Variants in MAP3K2 observed in about 807,000 individuals in gnomAD.
MAP3K2 encodes MAP/ERK kinase kinase 2.
In MAP3K2, 24 loss-of-function variants were observed where a neutral mutation model predicts 80.3. The observed-to-expected ratio is 0.30, with a 90% CI of 0.22 to 0.42. The LOEUF is 0.42. Among genes scored for constraint, MAP3K2 ranks in the 10% least tolerant of loss-of-function variants. The pLI is 1.00. For missense variants in MAP3K2, 608 were observed against 750.1 expected, an observed-to-expected ratio of 0.81 and a Z score of 2.21; for synonymous variants, 244 against 253.7, an observed-to-expected ratio of 0.96 and a Z score of 0.36.
At chr2:127,361,442 CA>C (rs1686890593) in intron 1 of MAP3K2, among the ~76,000 whole-genome samples, 1 of 151,738 alleles carries the variant, frequency 6.6e-6, no homozygotes, top group Non-Finnish European at 1.5e-5. Flanking sequence ...TCCATAGATG[CA>C]ATAAATTTGG....
chr2:127,356,752 G>A (rs1686804552), intron 1 of MAP3K2, among the ~76,000 whole-genome samples: 3 of 152,296 alleles, frequency 2.0e-5, no homozygotes, highest in East Asian at 3.9e-4. Flanking sequence ...GGACCTAAAT[G>A]TAAGATGTGA....
At chr2:127,363,974 ATCTT>A (rs1686930926) in intron 1 of MAP3K2, among the ~76,000 whole-genome samples, 1 of 152,196 alleles carries the variant, frequency 6.6e-6, no homozygotes, top group Non-Finnish European at 1.5e-5. Context: ...CTACTTAGGT[ATCTT>A]TCTATCTCCC....
At position 127,387,803 on chromosome 2, in the gene MAP3K2, G is replaced by A. The variant is rs976916231; in HGVS notation, c.-417C>T. 2.7e-5 allele frequency: 27 copies of A among 985,090 alleles called. No individual in the cohort carries two copies. Among genetic ancestry groups the A allele is most frequent in the Non-Finnish European group, 3.3e-5 (27 of 829,810 alleles). 61.0% of individuals were successfully genotyped at this position (985,090 alleles called of 1,614,324 possible). On this transcript the variant is annotated 5_prime_UTR_variant, in exon 1 of 17. Coordinates refer to ENST00000682094, the MANE Select transcript of MAP3K2 (RefSeq NM_001371910.2). ...GCCCGCGTCGCTAGAGACCGGAGAA[G>A]AGGCGGGAGTGGCGACTCTGCGGAC...
intron 1 of MAP3K2, among the ~76,000 whole-genome samples, chr2:127,365,731 T>A (rs185511154): frequency 8.5e-5 from 13 of 152,304 alleles, no homozygotes; most frequent in African/African-American, 3.1e-4. Flanking sequence ...ATACCTGGCT[T>A]CTCAGATTCA....
At chr2:127,340,590 G>T (rs1686459471) in intron 2 of MAP3K2, among the ~76,000 whole-genome samples, 1 of 151,674 alleles carries the variant, frequency 6.6e-6, no homozygotes, top group African/African-American at 2.4e-5. Flanking sequence ...CCAGGAGGCA[G>T]AGGTTGCAGC....
rs527440052 is a variant in MAP3K2 at position 127,330,121 on chromosome 2, T to A, written c.379-113A>T. ...ATATTGTTTGTGAGCCTTAATCAAATCCTCTACTCTTTGAAATTTTAATTC... is the reference window on the plus strand; with the variant it reads ...ATATTGTTTGTGAGCCTTAATCAAAACCTCTACTCTTTGAAATTTTAATTC... On this transcript the variant is annotated intron_variant, in intron 6 of 16. Transcript: ENST00000682094. The A allele has an allele frequency of 1.7e-5, 11 of 658,764 alleles. No individual in the cohort carries two copies. The East Asian group carries it at 2.9e-4, about 17-fold the overall frequency. The allele number at this position is 658,764 out of a possible 1,614,324, so 40.8% of individuals were successfully genotyped here.
chr2:127,337,013 T>C (rs552440164), intron 4 of MAP3K2, among the ~76,000 whole-genome samples: 3 of 152,164 alleles, frequency 2.0e-5, no homozygotes, highest in Admixed American at 6.5e-5. Context: ...ATGGTGGCTG[T>C]TGCCTGCAAT....
chr2:127,376,828 G>A (rs1687161116), intron 1 of MAP3K2, among the ~76,000 whole-genome samples: 1 of 152,174 alleles, frequency 6.6e-6, no homozygotes, highest in African/African-American at 2.4e-5. Flanking sequence ...CACTTTGGGA[G>A]TCTGAGACAG....
intron 3 of MAP3K2, 120 bp downstream of exon 3, chr2:127,338,808 TAACA>T (rs1686423597): frequency 6.0e-6 from 4 of 663,772 alleles, no homozygotes; most frequent in South Asian, 2.1e-5. Context: ...CGAAAATGTG[TAACA>T]AACACTAACA....
chr2:127,363,632 C>T (rs1686925423), intron 1 of MAP3K2, among the ~76,000 whole-genome samples: 1 of 152,228 alleles, frequency 6.6e-6, no homozygotes, highest in African/African-American at 2.4e-5. Flanking sequence ...TAATCCTCTT[C>T]ATTCCATGCT....
intron 5 of MAP3K2, among the ~76,000 whole-genome samples, chr2:127,332,195 C>T (rs1433594654): frequency 6.6e-6 from 1 of 152,192 alleles, no homozygotes; most frequent in East Asian, 1.9e-4. Context: ...AATTATGAAA[C>T]ATATTGGTAT....
intron 1 of MAP3K2, among the ~76,000 whole-genome samples, chr2:127,360,594 ATC>A (rs370068061): frequency 6.6e-6 from 1 of 152,326 alleles, no homozygotes; most frequent in Non-Finnish European, 1.5e-5. Context: ...TATGTTAATT[ATC>A]TCAAGTTATT....
intron 1 of MAP3K2, among the ~76,000 whole-genome samples, chr2:127,375,554 C>A (rs1187786673): frequency 6.6e-6 from 1 of 151,920 alleles, no homozygotes; most frequent in Non-Finnish European, 1.5e-5. Flanking sequence ...AGACCACAGG[C>A]ACATGCCACC....
chr2:127,338,804 T>C lies in MAP3K2; in HGVS notation c.123+128A>G, dbSNP rs1686423549. 7.7e-6 allele frequency: 5 copies of C among 649,960 alleles called. No homozygotes were observed. In the South Asian group the frequency reaches 1.1e-4, roughly 14 times the overall value. The allele number at this position is 649,960 out of a possible 1,614,324, so 40.3% of individuals were successfully genotyped here. On this transcript the variant is annotated intron_variant, in intron 3 of 16. Coordinates refer to ENST00000682094, the MANE Select transcript of MAP3K2 (RefSeq NM_001371910.2). Reference sequence around the variant, plus strand: ...ATGAACACACACTCTTACACGAAAATGTGTAACAAACACTAACAAAATTCT... The same window carrying C: ...ATGAACACACACTCTTACACGAAAACGTGTAACAAACACTAACAAAATTCT...
At chr2:127,384,727 A>T (rs1687314534) in intron 1 of MAP3K2, among the ~76,000 whole-genome samples, 1 of 151,492 alleles carries the variant, frequency 6.6e-6, no homozygotes, top group African/African-American at 2.4e-5. Context: ...GCACTGCCAC[A>T]GCTCACTGCA....
At chr2:127,367,453 G>A (rs560548917) in intron 1 of MAP3K2, among the ~76,000 whole-genome samples, 1 of 152,258 alleles carries the variant, frequency 6.6e-6, no homozygotes, top group South Asian at 2.1e-4. Flanking sequence ...TGAATCAGGA[G>A]ACATTAGGTC....
chr2:127,375,278 C>T (rs1687130650), intron 1 of MAP3K2, among the ~76,000 whole-genome samples: 1 of 152,112 alleles, frequency 6.6e-6, no homozygotes. Context: ...AATGTGGCTT[C>T]ATCAGACAAC....
intron 1 of MAP3K2, among the ~76,000 whole-genome samples, chr2:127,380,536 A>G (rs1435985138): frequency 6.6e-6 from 1 of 152,188 alleles, no homozygotes; most frequent in African/African-American, 2.4e-5. Context: ...CCAGTAAGCT[A>G]GTGACAGTAG....
At chr2:127,315,427 G>A (rs1254983271) in intron 14 of MAP3K2, among the ~76,000 whole-genome samples, 4 of 152,188 alleles carry the variant, frequency 2.6e-5, no homozygotes, top group African/African-American at 9.7e-5. Context: ...GGTGTACTCT[G>A]TCATATGAAA....
Sources: allele counts gnomAD v4.1 joint callset (sites outside exome capture counted in the v4.1 genomes callset), GRCh38; gene constraint gnomAD v4.1.1; transcripts MANE v1.5; gene names NCBI Gene and HGNC (gene_info 2026-07-23, HGNC 2026-07-21).